Variants in SCN2A observed in about 807,000 individuals in gnomAD.
The protein encoded by SCN2A is sodium channel protein type 2 subunit alpha.
In SCN2A, 20 loss-of-function variants were observed where a neutral mutation model predicts 188.7. The observed-to-expected ratio is 0.11, with a 90% CI of 0.07 to 0.15. SCN2A has a LOEUF of 0.15. Ranked by LOEUF, SCN2A falls within the 10% of genes least tolerant of loss-of-function variation. The pLI is 1.00. For missense variants in SCN2A, 1,278 were observed against 2,445.0 expected, an observed-to-expected ratio of 0.52 and a Z score of 10.07; for synonymous variants, 804 against 833.1, an observed-to-expected ratio of 0.97 and a Z score of 0.60.
chr2:165,379,722 G>A (rs1344811484), intron 23 of SCN2A, among the ~76,000 whole-genome samples: 1 of 151,690 alleles, frequency 6.6e-6, no homozygotes, highest in Non-Finnish European at 1.5e-5. Flanking sequence ...CCATTTTGCT[G>A]TATTTCCTTA....
chr2:165,311,745 G>A (rs986461789), intron 7 of SCN2A, among the ~76,000 whole-genome samples: 8 of 152,006 alleles, frequency 5.3e-5, no homozygotes, highest in Admixed American at 3.9e-4. Context: ...TGCAATTTGA[G>A]CTTATATTTG....
rs770992144 is a variant in SCN2A at position 165,309,456 on chromosome 2, T to G, written c.697+13T>G. 3 of 1,613,250 alleles carry G rather than the reference T, an allele frequency of 1.9e-6. No homozygotes were observed. The highest frequency in any genetic ancestry group is 2.5e-6 in the Non-Finnish European group (3 of 1,179,550). On this transcript the variant is annotated intron_variant, in intron 6 of 26. Transcript: ENST00000375437. ...TCAGTCATTCCAGGTGAGAGCTAGG[T>G]TAAACACCGAGGCTGACTTTAGCTA...
chr2:165,296,308 G>A (rs938003549), intron 2 of SCN2A: 1 of 575,698 alleles, frequency 1.7e-6, no homozygotes, highest in Non-Finnish European at 3.1e-6. Context: ...AACTGGTGAG[G>A]CATCCTCCAG....
At chr2:165,350,962 A>T (rs950183522) in intron 16 of SCN2A, among the ~76,000 whole-genome samples, 1 of 152,216 alleles carries the variant, frequency 6.6e-6, no homozygotes, top group Non-Finnish European at 1.5e-5. Flanking sequence ...ATAACAGCTA[A>T]ACTTTCTCAA....
intron 26 of SCN2A, among the ~76,000 whole-genome samples, chr2:165,388,282 G>A (rs1701975487): frequency 6.6e-6 from 1 of 152,022 alleles, no homozygotes; most frequent in Non-Finnish European, 1.5e-5. Flanking sequence ...TAGTTCTTAT[G>A]CAAATACTAG....
At position 165,386,876 on chromosome 2, in the gene SCN2A, A is replaced by G; in HGVS notation, c.4682A>G (p.Asn1561Ser). ...ETDDQSQEMT[N>S]ILYWINLVFI... ...GATGACCAGAGTCAAGAAATGACAA[A>G]CATTCTGTACTGGATTAATCTGGTG... Residue 1561 changes from asparagine (N) to serine (S), a missense_variant, in exon 26 of 27, where the codon AAC becomes AGC. Asn to Ser is a conservative substitution (Grantham distance 46). Transcript: ENST00000375437. 6.2e-7 allele frequency: 1 copy of G among 1,613,970 alleles called. No homozygotes were observed. The highest frequency in any genetic ancestry group is 8.5e-7 in the Non-Finnish European group (1 of 1,179,938).
intron 1 of SCN2A, among the ~76,000 whole-genome samples, chr2:165,280,388 C>T (rs1470775990): frequency 6.6e-6 from 1 of 152,150 alleles, no homozygotes; most frequent in African/African-American, 2.4e-5. Flanking sequence ...CGTTGCTTCA[C>T]CCAAACTAGA....
rs1702126619 is a variant in SCN2A, at chr2:165,391,661, A to AG, written c.*1838dup. 1 of 152,434 alleles carries AG rather than the reference A, an allele frequency of 6.6e-6. No individual in the cohort carries two copies. Among genetic ancestry groups the AG allele is most frequent in the Non-Finnish European group, 1.5e-5 (1 of 67,968 alleles). 9.4% of individuals were successfully genotyped at this position (152,434 alleles called of 1,614,324 possible). On this transcript the variant is annotated 3_prime_UTR_variant, in exon 27 of 27. Transcript: ENST00000375437. ...TGCCTTATCATTGAAAGAGGCTTAA[A>AG]GAAAAAAAAAATCAGCTGATACTCT...
chr2:165,294,936 A>G (rs987235430), intron 1 of SCN2A, among the ~76,000 whole-genome samples: 8 of 152,212 alleles, frequency 5.3e-5, no homozygotes, highest in African/African-American at 1.9e-4. Flanking sequence ...CTGTGATGCT[A>G]CGTTTTTATG....
intron 12 of SCN2A, among the ~76,000 whole-genome samples, chr2:165,325,588 T>C (rs1451053421): frequency 6.6e-6 from 1 of 152,196 alleles, no homozygotes; most frequent in Non-Finnish European, 1.5e-5. Flanking sequence ...CATGTGCTTC[T>C]GTGTAGAACA....
intron 16 of SCN2A, among the ~76,000 whole-genome samples, chr2:165,353,741 C>T (rs1700046954): frequency 6.6e-6 from 1 of 152,130 alleles, no homozygotes; most frequent in African/African-American, 2.4e-5. Context: ...AACTCACTAA[C>T]ATGAGGACAG....
chr2:165,336,429 A>G (rs527274429), intron 14 of SCN2A, among the ~76,000 whole-genome samples: 2 of 152,122 alleles, frequency 1.3e-5, no homozygotes, highest in South Asian at 4.1e-4. Context: ...GCTACAATCT[A>G]CAACATGAAT....
intron 25 of SCN2A, among the ~76,000 whole-genome samples, chr2:165,386,505 T>G (rs1401389585): frequency 2.6e-5 from 4 of 151,860 alleles, no homozygotes; most frequent in African/African-American, 7.3e-5. Flanking sequence ...GAGATAAGAT[T>G]TGAGATCTGA....
At chr2:165,348,249 C>G (rs1413530848) in intron 16 of SCN2A, among the ~76,000 whole-genome samples, 5 of 150,832 alleles carry the variant, frequency 3.3e-5, no homozygotes, top group Non-Finnish European at 7.4e-5. Flanking sequence ...ATCCCAGCTA[C>G]TTGGGAAGCT....
At chr2:165,351,725 A>G (rs1699928289) in intron 16 of SCN2A, among the ~76,000 whole-genome samples, 1 of 152,206 alleles carries the variant, frequency 6.6e-6, no homozygotes, top group African/African-American at 2.4e-5. Flanking sequence ...GCTTTGCACA[A>G]TAACTGGTAT....
chr2:165,373,369 T>C (rs1160785330), intron 21 of SCN2A, 22 bp downstream of exon 21: 1 of 1,612,102 alleles, frequency 6.2e-7, no homozygotes, highest in Admixed American at 1.7e-5. Flanking sequence ...TGCCTTAGAG[T>C]TTGTCAGAAT....
chr2:165,291,531 T>C (rs1696185769), intron 1 of SCN2A, among the ~76,000 whole-genome samples: 1 of 41,532 alleles, frequency 2.4e-5, no homozygotes, highest in South Asian at 9.7e-4. Context: ...TTTCTTTCCT[T>C]CCTTCCTTCC....
intron 23 of SCN2A, among the ~76,000 whole-genome samples, chr2:165,379,249 AAATG>A (rs1701476150): frequency 6.6e-6 from 1 of 151,736 alleles, no homozygotes; most frequent in Non-Finnish European, 1.5e-5. Flanking sequence ...ATAGTGATGA[AAATG>A]AATGAATACC....
intron 22 of SCN2A, among the ~76,000 whole-genome samples, chr2:165,375,196 A>AATAGATCAC (rs1327733284): frequency 6.6e-6 from 1 of 152,038 alleles, no homozygotes; most frequent in African/African-American, 2.4e-5. Flanking sequence ...AAAAACTAAA[A>AATAGATCAC]ATAGAACCAC....
Sources: allele counts gnomAD v4.1 joint callset (sites outside exome capture counted in the v4.1 genomes callset), GRCh38; gene constraint gnomAD v4.1.1; transcripts MANE v1.5; gene names NCBI Gene and HGNC (gene_info 2026-07-23, HGNC 2026-07-21).